Variants in DOCK8 observed in about 807,000 individuals in gnomAD.
The protein encoded by DOCK8 is dedicator of cytokinesis 8.
A neutral mutation model predicts 245.6 loss-of-function variants in DOCK8; 141 were observed. The ratio of observed to expected loss-of-function variants is 0.57; its 90% confidence interval spans 0.50 to 0.66. The LOEUF is 0.66. Ranked by LOEUF, DOCK8 falls within the 30% of genes least tolerant of loss-of-function variation. The pLI, the probability that DOCK8 is intolerant of heterozygous loss-of-function variation, is 0.00. For synonymous variants in DOCK8, 1,168 were observed against 970.2 expected (o/e 1.20, Z -3.79); for missense variants, 2,965 against 2,603.4 (o/e 1.14, Z -3.02).
chr9:277,837 T>TA (rs916720518), intron 2 of DOCK8, among the ~76,000 whole-genome samples: 19 of 151,620 alleles, frequency 1.3e-4, no homozygotes, highest in Admixed American at 3.3e-4. Context: ...AACATTTATT[T>TA]AAAAAAAAAG....
chr9:384,563 C>G (rs184974458), intron 22 of DOCK8, among the ~76,000 whole-genome samples: 1 of 152,184 alleles, frequency 6.6e-6, no homozygotes, highest in Non-Finnish European at 1.5e-5. Context: ...ATGTCCTCAT[C>G]TCTGCAGAGG....
chr9:262,526 A>G (rs1385950368), intron 1 of DOCK8, among the ~76,000 whole-genome samples: 1 of 137,820 alleles, frequency 7.3e-6, no homozygotes, highest in Non-Finnish European at 1.6e-5. Context: ...ACACAGTGCA[A>G]TATAGATGGA....
intron 26 of DOCK8, among the ~76,000 whole-genome samples, chr9:400,818 C>G (rs1473496466): frequency 2.0e-5 from 2 of 100,484 alleles, no homozygotes; most frequent in Non-Finnish European, 4.2e-5. Context: ...ATCACCACCA[C>G]CTCCACCATC....
chr9:298,801 A>G (rs1222067510), intron 4 of DOCK8, among the ~76,000 whole-genome samples: 1 of 152,008 alleles, frequency 6.6e-6, no homozygotes, highest in East Asian at 1.9e-4. Context: ...GCTGCTTCCT[A>G]ATTTTTATTT....
intron 2 of DOCK8, among the ~76,000 whole-genome samples, chr9:273,536 G>A (rs528245373): frequency 6.6e-6 from 1 of 152,162 alleles, no homozygotes; most frequent in African/African-American, 2.4e-5. Flanking sequence ...ACAAGGTAGA[G>A]GGTTTAGTGC....
chr9:334,551 C>T (rs187214719), intron 11 of DOCK8, among the ~76,000 whole-genome samples, 167 bp downstream of exon 11: 1 of 152,220 alleles, frequency 6.6e-6, no homozygotes, highest in East Asian at 1.9e-4. Context: ...TAGATTTGGA[C>T]GGTGATCTCC....
intron 1 of DOCK8, among the ~76,000 whole-genome samples, chr9:247,744 A>G (rs1351387196): frequency 7.9e-5 from 12 of 152,048 alleles, no homozygotes; most frequent in African/African-American, 2.9e-4. Flanking sequence ...TCATCGTGTT[A>G]GCCAGGATGG....
At chr9:420,293 T>C in intron 30 of DOCK8, 108 bp from the exon 31 acceptor site, 1 of 1,208,296 alleles carries the variant, frequency 8.3e-7, no homozygotes, top group Non-Finnish European at 1.2e-6. Context: ...AGTCATGGTA[T>C]TTTAAGAGAA....
intron 14 of DOCK8, among the ~76,000 whole-genome samples, chr9:363,184 C>T (rs2052811970): frequency 6.6e-6 from 1 of 152,146 alleles, no homozygotes; most frequent in Admixed American, 6.6e-5. Flanking sequence ...GTATATGTGA[C>T]TGAAAAAAAC....
intron 6 of DOCK8, among the ~76,000 whole-genome samples, chr9:313,971 G>T (rs2050238419): frequency 6.6e-6 from 1 of 152,156 alleles, no homozygotes; most frequent in Non-Finnish European, 1.5e-5. Flanking sequence ...TGAATAATGT[G>T]AGCAATATCA....
intron 1 of DOCK8, among the ~76,000 whole-genome samples, chr9:238,694 T>A (rs1587641212): frequency 6.6e-6 from 1 of 152,194 alleles, no homozygotes; most frequent in Admixed American, 6.6e-5. Context: ...CCAGTACATA[T>A]GTGATGGCAT....
At chr9:250,997 T>C (rs2047632142) in intron 1 of DOCK8, among the ~76,000 whole-genome samples, 1 of 152,144 alleles carries the variant, frequency 6.6e-6, no homozygotes, top group South Asian at 2.1e-4. Context: ...GAAGGCTCTT[T>C]TCTGATGCCA....
chr9:455,278 G>A (rs1306469676), intron 46 of DOCK8, among the ~76,000 whole-genome samples: 3 of 152,176 alleles, frequency 2.0e-5, no homozygotes, highest in Non-Finnish European at 4.4e-5. Flanking sequence ...AGGACTGCTT[G>A]AGCCCAGGAG....
intron 1 of DOCK8, chr9:215,455 A>T: frequency 6.7e-7 from 1 of 1,488,858 alleles, no homozygotes; most frequent in Non-Finnish European, 8.9e-7. Context: ...AAGTGGCTGA[A>T]ATTAGAGTTG....
Position 434,787 on chromosome 9 carries a change from G to T in DOCK8, c.4891G>T (p.Ala1631Ser). ...EMLMDLMYRI[A>S]KSYQASPDLR... ...TCTCACTCAATCTGTCTTCAGAATT[G>T]CCAAGAGTTACCAGGCATCTCCTGA... The change falls in exon 39 of 48, where the codon GCC becomes TCC. Residue 1631 changes from alanine (A) to serine (S), a missense_variant. Coordinates refer to ENST00000432829, the MANE Select transcript of DOCK8 (RefSeq NM_203447.4). 1 of 1,613,958 alleles carries T rather than the reference G, an allele frequency of 6.2e-7. No homozygotes were observed. The highest frequency in any genetic ancestry group is 1.7e-4 in the Middle Eastern group (1 of 6,056).
chr9:406,993 G>A lies in DOCK8; in HGVS notation c.3454G>A (p.Glu1152Lys), dbSNP rs1438287343. 12 of 1,613,982 alleles carry A rather than the reference G, an allele frequency of 7.4e-6. No homozygotes were observed. In the Admixed American group the frequency reaches 8.3e-5, roughly 11 times the overall value. ...CGCCAGCATGTTCGATCTGACTTCC[G>A]AGTACCGCCAGCAGCACTTCCTCAC... Reference protein sequence around the residue: ...KIASMFDLTSEYRQQHFLTGL... With the variant: ...KIASMFDLTSKYRQQHFLTGL... Residue 1152 changes from glutamate to lysine, a missense_variant, in exon 28 of 48, where the codon GAG becomes AAG. Transcript: ENST00000432829.
At chr9:416,283 G>A (rs748530311) in intron 29 of DOCK8, among the ~76,000 whole-genome samples, 4 of 152,216 alleles carry the variant, frequency 2.6e-5, no homozygotes, top group Non-Finnish European at 5.9e-5. Context: ...ACATAATGCA[G>A]AGCATGGCAT....
rs750964617 is a variant in DOCK8, at chr9:304,710, T to G, written c.528+6T>G. On this transcript the variant is annotated splice_donor_region_variant and intron_variant, in intron 5 of 47. Coordinates refer to ENST00000432829, the MANE Select transcript of DOCK8 (RefSeq NM_203447.4). ...GCAGTGAACCCGCTGCTCAGGTATT[T>G]CCTGTCAACAAACATGGTTACCAGG... The G allele has an allele frequency of 6.2e-7, 1 of 1,614,146 alleles. No individual in the cohort carries two copies. Among genetic ancestry groups the G allele is most frequent in the Non-Finnish European group, 8.5e-7 (1 of 1,180,000 alleles).
intron 4 of DOCK8, among the ~76,000 whole-genome samples, chr9:292,007 C>T (rs1192339947): frequency 1.5e-5 from 2 of 135,062 alleles, no homozygotes; most frequent in African/African-American, 5.6e-5. Flanking sequence ...GAGGTCAAGG[C>T]TGTAGTGAGT....
Sources: allele counts gnomAD v4.1 joint callset (sites outside exome capture counted in the v4.1 genomes callset), GRCh38; gene constraint gnomAD v4.1.1; transcripts MANE v1.5; gene names NCBI Gene and HGNC (gene_info 2026-07-23, HGNC 2026-07-21).